RBFOX3: variants seen among roughly 807,000 people sequenced by gnomAD.
RBFOX3 encodes RNA binding fox-1 homolog 3.
RBFOX3 carries 17 observed loss-of-function variants against 48.7 expected under a neutral mutation model. That is an observed-to-expected ratio of 0.35 (90% CI 0.24 to 0.52). The LOEUF is 0.52. RBFOX3 is among the 20% of genes least tolerant of loss of function. The pLI, the probability that RBFOX3 is intolerant of heterozygous loss-of-function variation, is 0.94. For missense variants in RBFOX3, 382 were observed against 497.5 expected, an observed-to-expected ratio of 0.77 and a Z score of 2.21; for synonymous variants, 212 against 209.5, an observed-to-expected ratio of 1.01 and a Z score of -0.10.
At chr17:79,403,155 A>G (rs971116069) in intron 2 of RBFOX3, among the ~76,000 whole-genome samples, 4 of 152,122 alleles carry the variant, frequency 2.6e-5, no homozygotes, top group Admixed American at 6.5e-5. Context: ...GGGGCCCTGA[A>G]CAGGCCTCCC....
At chr17:79,620,519 A>G in the RBFOX3 span, among the ~76,000 whole-genome samples, 1 of 149,016 alleles carries the variant, frequency 6.7e-6, no homozygotes, top group Non-Finnish European at 1.5e-5. Context: ...GCATACGTGC[A>G]CATGCATACG....
the RBFOX3 span, among the ~76,000 whole-genome samples, chr17:79,653,720 A>C: frequency 6.6e-6 from 1 of 151,588 alleles, no homozygotes; most frequent in Non-Finnish European, 1.5e-5. Context: ...GTTTATTATA[A>C]ATTTGGAGCA....
At chr17:79,152,940 T>G (rs1373296615) in intron 4 of RBFOX3, among the ~76,000 whole-genome samples, 2 of 152,154 alleles carry the variant, frequency 1.3e-5, no homozygotes, top group Non-Finnish European at 2.9e-5. Context: ...TTTCCAGCCC[T>G]TCTCTGGTGA....
intron 4 of RBFOX3, among the ~76,000 whole-genome samples, chr17:79,155,641 C>A (rs1045489274): frequency 2.0e-5 from 3 of 152,046 alleles, no homozygotes; most frequent in African/African-American, 7.2e-5. Context: ...AGGACCCTGT[C>A]CCTTAGGGGC....
intron 1 of RBFOX3, among the ~76,000 whole-genome samples, chr17:79,500,539 G>A (rs2082252503): frequency 6.6e-6 from 1 of 152,198 alleles, no homozygotes; most frequent in Non-Finnish European, 1.5e-5. Context: ...TTAGAGGCAT[G>A]AGCCACCATG....
rs7221453 is a variant in RBFOX3 at position 79,138,498 on chromosome 17, C to T, written c.-33-22750G>A. ...ATGTCACAGTCATGTCCAGGTAATA[C>T]GTACAGCCCACACTGCATCCACACG... On this transcript the variant is annotated intron_variant, in intron 4 of 14. Coordinates refer to ENST00000693108, the MANE Select transcript of RBFOX3 (RefSeq NM_001350451.2). Among the ~76,000 whole-genome samples the T allele has an allele frequency of 6.6e-3, 1,008 of 152,184 alleles. 11 individuals are homozygous for T. Among genetic ancestry groups the T allele is most frequent in the Non-Finnish European group, 0.011 (725 of 67,960 alleles).
the RBFOX3 span, among the ~76,000 whole-genome samples, chr17:79,645,272 C>T: frequency 9.2e-4 from 140 of 152,268 alleles, no homozygotes; most frequent in South Asian, 0.012. Flanking sequence ...CGTGCAATGT[C>T]CAGCAAGTGC....
intron 1 of RBFOX3, among the ~76,000 whole-genome samples, chr17:79,493,070 G>A (rs887506886): frequency 6.6e-6 from 1 of 152,152 alleles, no homozygotes; most frequent in Admixed American, 6.5e-5. Context: ...AGGAAGCACC[G>A]TGTTGGCATC....
chr17:79,523,765 A>G, intron 1 of RBFOX3, among the ~76,000 whole-genome samples: 1 of 152,224 alleles, frequency 6.6e-6, no homozygotes, highest in East Asian at 1.9e-4. Flanking sequence ...AATTAAACAC[A>G]AGGTGATAAA....
chr17:79,138,852 G>A (rs1370942571), intron 4 of RBFOX3, among the ~76,000 whole-genome samples: 8 of 74,128 alleles, frequency 1.1e-4, no homozygotes, highest in Non-Finnish European at 1.7e-4. Context: ...CACAGCACAT[G>A]CATTCACGCC....
intron 1 of RBFOX3, among the ~76,000 whole-genome samples, chr17:79,590,656 C>G (rs2093389659): frequency 6.6e-6 from 1 of 152,130 alleles, no homozygotes; most frequent in Non-Finnish European, 1.5e-5. Context: ...TCCAGGATAC[C>G]AATGAAGTTC....
intron 4 of RBFOX3, among the ~76,000 whole-genome samples, chr17:79,187,571 A>G (rs11658326): frequency 0.24 from 36,275 of 152,052 alleles, 4,624 homozygotes; most frequent in South Asian, 0.34. Flanking sequence ...TGGCAGAACT[A>G]GATCTCCACA....
chr17:79,273,163 T>C (rs749713), intron 3 of RBFOX3, among the ~76,000 whole-genome samples: 5,221 of 152,226 alleles, frequency 0.034, 287 homozygotes, highest in African/African-American at 0.12. Flanking sequence ...CTGCCCTGCC[T>C]GTGCCAGCAG....
chr17:79,189,461 C>A (rs1421991621), intron 4 of RBFOX3, among the ~76,000 whole-genome samples: 1 of 152,240 alleles, frequency 6.6e-6, no homozygotes, highest in Non-Finnish European at 1.5e-5. Context: ...ACAGGATCAA[C>A]CCCAAACCAA....
At chr17:79,216,311 G>C (rs1469176992) in intron 4 of RBFOX3, among the ~76,000 whole-genome samples, 1 of 152,362 alleles carries the variant, frequency 6.6e-6, no homozygotes, top group Non-Finnish European at 1.5e-5. Flanking sequence ...TTGGGACACA[G>C]GGTCCATGTG....
chr17:79,262,883 C>T (rs1256073270), intron 3 of RBFOX3, among the ~76,000 whole-genome samples: 1 of 152,276 alleles, frequency 6.6e-6, no homozygotes, highest in Non-Finnish European at 1.5e-5. Context: ...GGCTGCAAAG[C>T]GCCAGCTCTG....
chr17:79,172,192 A>AAAAAAAAAAAAAAAAAAAC (rs2049469588), intron 4 of RBFOX3, among the ~76,000 whole-genome samples: 1 of 151,646 alleles, frequency 6.6e-6, no homozygotes, highest in Admixed American at 6.6e-5. Flanking sequence ...AAAAAAAAAA[A>AAAAAAAAAAAAAAAAAAAC]AAGAGAAAAA....
chr17:79,294,549 T>G (rs1334739916), intron 3 of RBFOX3, among the ~76,000 whole-genome samples: 4 of 152,112 alleles, frequency 2.6e-5, no homozygotes, highest in African/African-American at 9.7e-5. Flanking sequence ...TGACCTCAAA[T>G]GACCTGCCTG....
Position 79,373,898 on chromosome 17 carries a change from G to A in RBFOX3, c.-174-66074C>T, listed in dbSNP as rs971652499. Among the ~76,000 whole-genome samples, 10 of 150,660 alleles carry A rather than the reference G, an allele frequency of 6.6e-5. No individual in the cohort carries two copies. In the South Asian group the frequency reaches 8.6e-4, roughly 13 times the overall value. ...TTTGAGACTGAGTCTCACTCTTGTCGCCCAGGCTGGTGTGCAGTGGCGCGA... is the reference window on the plus strand; with the variant it reads ...TTTGAGACTGAGTCTCACTCTTGTCACCCAGGCTGGTGTGCAGTGGCGCGA... On this transcript the variant is annotated intron_variant, in intron 2 of 14. Coordinates refer to ENST00000693108, the MANE Select transcript of RBFOX3 (RefSeq NM_001350451.2).
Sources: allele counts gnomAD v4.1 joint callset (sites outside exome capture counted in the v4.1 genomes callset), GRCh38; gene constraint gnomAD v4.1.1; transcripts MANE v1.5; gene names NCBI Gene and HGNC (gene_info 2026-07-23, HGNC 2026-07-21).